NOTCH2: variants seen among roughly 807,000 people sequenced by gnomAD.
NOTCH2 encodes notch receptor 2, also known as neurogenic locus notch homolog protein 2.
In NOTCH2, 29 loss-of-function variants were observed where a neutral mutation model predicts 235.8. The ratio of observed to expected loss-of-function variants is 0.12; its 90% CI spans 0.09 to 0.17. The LOEUF is 0.17. Ranked by LOEUF, NOTCH2 falls within the 10% of genes least tolerant of loss-of-function variation. The probability of loss-of-function intolerance (pLI) is 1.00; values close to 1 mark genes in which losing one functional copy is unlikely to be tolerated. For missense variants in NOTCH2, 2,285 were observed against 3,150.2 expected (o/e 0.73, Z 6.57); for synonymous variants, 1,086 against 1,141.5 (o/e 0.95, Z 0.98).
chr1:119,947,483 A>G (rs960994772), intron 17 of NOTCH2, among the ~76,000 whole-genome samples: 1 of 152,234 alleles, frequency 6.6e-6, no homozygotes, highest in East Asian at 1.9e-4. Flanking sequence ...ACCCACTAGA[A>G]GAGCTAAATT....
chr1:119,934,898 C>A (rs1218719280), intron 22 of NOTCH2, among the ~76,000 whole-genome samples: 1 of 152,178 alleles, frequency 6.6e-6, no homozygotes, highest in East Asian at 1.9e-4. Context: ...CCACTCAGTT[C>A]AAAAGCAGTG....
At chr1:119,972,067 G>T (rs587633130) in intron 5 of NOTCH2, among the ~76,000 whole-genome samples, 1 of 151,752 alleles carries the variant, frequency 6.6e-6, no homozygotes, top group African/African-American at 2.4e-5. Context: ...GAGTGAGTGA[G>T]CGAGGGAGGG....
At chr1:119,999,938 A>G (rs1652656423) in intron 3 of NOTCH2, among the ~76,000 whole-genome samples, 1 of 108,306 alleles carries the variant, frequency 9.2e-6, no homozygotes, top group Non-Finnish European at 1.8e-5. Context: ...AAAGAAAGAA[A>G]GAAAGAAAGA....
chr1:119,938,194 G>A (rs1445926553), intron 19 of NOTCH2, among the ~76,000 whole-genome samples, 184 bp from the exon 20 acceptor site: 5 of 152,072 alleles, frequency 3.3e-5, no homozygotes, highest in South Asian at 2.1e-4. Context: ...CCATTTTTAC[G>A]TACCGTTAAG....
intron 5 of NOTCH2, 26 bp downstream of exon 5, chr1:119,986,934 T>C: frequency 6.2e-7 from 1 of 1,613,312 alleles, no homozygotes; most frequent in East Asian, 2.2e-5. Context: ...TATCCCATTC[T>C]GGTGGATTCT....
chr1:119,926,056 C>T (rs1649462370), intron 24 of NOTCH2, among the ~76,000 whole-genome samples: 1 of 152,168 alleles, frequency 6.6e-6, no homozygotes, highest in African/African-American at 2.4e-5. Flanking sequence ...ATTGAGCTTC[C>T]CTCTACTTTA....
rs1456900277 is a variant in NOTCH2 at position 119,948,505 on chromosome 1, G to C, written c.2661C>G (p.Leu887=). ...CISKPCMNHG[L]CHNTQGSYMC... is the part of the protein sequence containing the mutation. ...TGTAGCTGCCCTGGGTGTTATGGCA[G>C]AGACCATGGTTCATGCAGGGCTTGG... Residue 887 remains leucine (L), a synonymous_variant, in exon 17 of 34, where the codon CTC becomes CTG. Transcript: ENST00000256646. The C allele has an allele frequency of 6.2e-7, 1 of 1,614,196 alleles. No individual in the cohort carries two copies. The highest frequency in any genetic ancestry group is 1.1e-5 in the South Asian group (1 of 91,080).
chr1:119,975,676 A>G (rs1651550964), intron 5 of NOTCH2, among the ~76,000 whole-genome samples: 1 of 151,468 alleles, frequency 6.6e-6, no homozygotes, highest in Admixed American at 6.6e-5. Context: ...TTATGGACAC[A>G]GCCTGTGGCA....
At chr1:120,043,373 G>A (rs2101376544) in intron 1 of NOTCH2, among the ~76,000 whole-genome samples, 1 of 151,902 alleles carries the variant, frequency 6.6e-6, no homozygotes. Context: ...TTTTACACAA[G>A]AAACTGCAAC....
At chr1:119,975,271 TG>T (rs1392648733) in intron 5 of NOTCH2, among the ~76,000 whole-genome samples, 1 of 152,176 alleles carries the variant, frequency 6.6e-6, no homozygotes, top group Non-Finnish European at 1.5e-5. Flanking sequence ...TATACTGTTT[TG>T]GTTTTGCAGG....
chr1:119,968,686 G>A (rs1651245701), intron 6 of NOTCH2, among the ~76,000 whole-genome samples: 1 of 152,124 alleles, frequency 6.6e-6, no homozygotes, highest in Non-Finnish European at 1.5e-5. Context: ...TGATGATCAT[G>A]GGGCCACCTG....
At chr1:119,919,660 G>A (rs771480037) in intron 30 of NOTCH2, 47 bp from the exon 31 acceptor site, 9 of 1,575,950 alleles carry the variant, frequency 5.7e-6, no homozygotes, top group African/African-American at 5.4e-5. Context: ...GGAGAAGGTA[G>A]TTAACCCTAT....
chr1:119,954,722 T>C (rs1163548027), intron 13 of NOTCH2, among the ~76,000 whole-genome samples: 1 of 152,234 alleles, frequency 6.6e-6, no homozygotes, highest in Non-Finnish European at 1.5e-5. Context: ...TCAGAAATCA[T>C]TCCAGTAATA....
At chr1:119,920,670 C>T (rs1483227691) in intron 29 of NOTCH2, among the ~76,000 whole-genome samples, 1 of 152,218 alleles carries the variant, frequency 6.6e-6, no homozygotes, top group East Asian at 1.9e-4. Context: ...CCAATTCTCA[C>T]TTTTCCTACC....
At chr1:120,041,899 G>A (rs1654586589) in intron 1 of NOTCH2, among the ~76,000 whole-genome samples, 1 of 139,032 alleles carries the variant, frequency 7.2e-6, no homozygotes, top group Admixed American at 7.0e-5. Flanking sequence ...AGAAAAGAGA[G>A]AGAGGAAGGG....
rs1553196341 is a variant in NOTCH2 at position 119,940,658 on chromosome 1, T to C, written c.3080A>G (p.Asn1027Ser). 3.1e-6 allele frequency: 5 copies of C among 1,614,118 alleles called. No homozygotes were observed. Among genetic ancestry groups the C allele is most frequent in the East Asian group, 4.5e-5 (2 of 44,888 alleles). The change falls in exon 19 of 34, where the codon AAT becomes AGT. Residue 1027 changes from asparagine (N) to serine (S), a missense_variant. Asn to Ser is a conservative substitution (Grantham distance 46). Transcript: ENST00000256646. Reference protein sequence around the residue: ...FTGSFCLHEINECSSHPCLNE... With the variant: ...FTGSFCLHEISECSSHPCLNE... ...CAGGCATGGATGAGAGCTGCATTCA[T>C]TGATCTCATGGAGGCAGAAGGATCC... is the stretch of plus-strand genomic sequence containing the variant.
At chr1:120,003,625 T>C (rs368156621) in intron 3 of NOTCH2, among the ~76,000 whole-genome samples, 2 of 151,352 alleles carry the variant, frequency 1.3e-5, no homozygotes, top group South Asian at 2.1e-4. Flanking sequence ...CCTTTTCTCA[T>C]CTAATTTAAT....
intron 19 of NOTCH2, among the ~76,000 whole-genome samples, chr1:119,938,976 G>A (rs1468587714): frequency 6.6e-6 from 1 of 152,052 alleles, no homozygotes; most frequent in Non-Finnish European, 1.5e-5. Flanking sequence ...CACCGTGCCC[G>A]GCCCCATTCA....
chr1:119,924,079 C>T lies in NOTCH2; in HGVS notation c.4512-95G>A, dbSNP rs1649379821. On this transcript the variant is annotated intron_variant, in intron 25 of 33. Transcript: ENST00000256646. The stretch of plus-strand genomic sequence containing the variant: ...TTGGAACTACTGTGGATTTTCCTAC[C>T]CATTTTCTGTGGCCCACACCCAGGA... 15 of 1,118,634 alleles carry T rather than the reference C, an allele frequency of 1.3e-5. No individual in the cohort carries two copies. In the South Asian group the frequency reaches 1.9e-4, roughly 14 times the overall value. 69.3% of individuals were successfully genotyped at this position (1,118,634 alleles called of 1,614,324 possible).
Sources: gnomAD v4.1 joint callset for allele counts (sites outside exome capture counted in the v4.1 genomes callset) on GRCh38, gnomAD v4.1.1 for gene constraint, MANE v1.5 for transcripts, NCBI Gene and HGNC (gene_info 2026-07-23, HGNC 2026-07-21) for gene names.